The following SLC6A6 variants were observed in gnomAD, a reference collection of about 807,000 sequenced individuals.
SLC6A6 encodes the protein solute carrier family 6 member 6, also known as sodium- and chloride-dependent taurine transporter.
A neutral mutation model predicts 68.8 loss-of-function variants in SLC6A6; 16 were observed. That is an observed-to-expected ratio of 0.23 (90% CI 0.16 to 0.35). The LOEUF (loss-of-function observed/expected upper bound fraction) is 0.35, where lower values mean the gene tolerates loss of function less well. Among genes scored for constraint, SLC6A6 ranks in the 10% least tolerant of loss-of-function variants. The pLI is 1.00. For synonymous variants in SLC6A6, 312 were observed against 315.4 expected, an observed-to-expected ratio of 0.99 and a Z score of 0.12; for missense variants, 474 against 802.8, an observed-to-expected ratio of 0.59 and a Z score of 4.95.
rs756566360 is a variant in SLC6A6 at position 14,478,428 on chromosome 3, G to A, written c.1348-38G>A. Reference sequence around the variant, plus strand: ...TGTATATGAAAGAAATTGGAGACCAGGTAGGAAATCGACCTTCTGTGGTTT... The same window carrying A: ...TGTATATGAAAGAAATTGGAGACCAAGTAGGAAATCGACCTTCTGTGGTTT... On this transcript the variant is annotated intron_variant, in intron 11 of 14. Transcript: ENST00000622186. 3.1e-6 allele frequency: 4 copies of A among 1,286,622 alleles called. No individual in the cohort carries two copies. In the South Asian group the frequency reaches 4.8e-5, roughly 16 times the overall value. 79.7% of individuals were successfully genotyped at this position (1,286,622 alleles called of 1,614,324 possible). A position where few individuals can be genotyped will look rare whatever the true frequency, so the allele number is the denominator to read the frequency against.
chr3:14,484,763 A>G (rs563728415), intron 14 of SLC6A6, 104 bp from the exon 15 acceptor site: 123 of 1,233,214 alleles, frequency 1.0e-4, no homozygotes, highest in Non-Finnish European at 1.3e-4. Context: ...TTTACCAAAA[A>G]CCAAACAGCA....
At chr3:14,427,342 G>A (rs185296755) in intron 2 of SLC6A6, among the ~76,000 whole-genome samples, 1 of 152,302 alleles carries the variant, frequency 6.6e-6, no homozygotes, top group African/African-American at 2.4e-5. Context: ...CACCCTGTGA[G>A]GTCGATGCCA....
intron 2 of SLC6A6, among the ~76,000 whole-genome samples, chr3:14,428,654 G>C (rs1033123828): frequency 6.6e-6 from 1 of 152,166 alleles, no homozygotes; most frequent in Non-Finnish European, 1.5e-5. Context: ...AGGTGTGTGG[G>C]AGGGACATTT....
intron 2 of SLC6A6, among the ~76,000 whole-genome samples, chr3:14,431,080 G>T (rs1699713453): frequency 1.9e-5 from 1 of 53,210 alleles, no homozygotes; most frequent in African/African-American, 1.2e-4. Flanking sequence ...AGATGCTCAG[G>T]AATGGACATC....
In SLC6A6 at chr3:14,447,796, C is replaced by T; in HGVS notation, c.579C>T (p.Ser193=). The part of the protein sequence containing the change: ...WITISSTNFT[S]PVIEFWERNV... ...CCATCAGCTCCACCAACTTCACCTC[C>T]CCTGTCATCGAGTTCTGGGAGTAAG... The change falls in exon 5 of 15, where the codon TCC becomes TCT. Residue 193 remains serine (S), a synonymous_variant. Transcript: ENST00000622186. 1 of 1,614,236 alleles carries T rather than the reference C, an allele frequency of 6.2e-7. No homozygotes were observed. The highest frequency in any genetic ancestry group is 1.1e-5 in the South Asian group (1 of 91,090).
intron 14 of SLC6A6, among the ~76,000 whole-genome samples, chr3:14,482,264 A>G (rs576478990): frequency 2.0e-5 from 3 of 152,320 alleles, no homozygotes. Context: ...CTAGGGAGGA[A>G]GCCTGAGCCC....
At chr3:14,479,883 A>T (rs549178088) in intron 13 of SLC6A6, among the ~76,000 whole-genome samples, 1 of 152,196 alleles carries the variant, frequency 6.6e-6, no homozygotes, top group Non-Finnish European at 1.5e-5. Context: ...ACTTGTGATC[A>T]TTGGAGCTTA....
intron 2 of SLC6A6, among the ~76,000 whole-genome samples, chr3:14,421,609 T>G (rs979088861): frequency 1.9e-4 from 29 of 152,252 alleles, no homozygotes; most frequent in Middle Eastern, 3.2e-3. Flanking sequence ...TTGGTGCCTC[T>G]ATCTCAGAGA....
At chr3:14,442,816 C>A (rs1004619867) in intron 2 of SLC6A6, among the ~76,000 whole-genome samples, 1 of 152,210 alleles carries the variant, frequency 6.6e-6, no homozygotes, top group African/African-American at 2.4e-5. Context: ...GGCAAGGGAA[C>A]CTGGCTTATA....
At chr3:14,479,905 A>G (rs536665365) in intron 13 of SLC6A6, among the ~76,000 whole-genome samples, 162 of 152,276 alleles carry the variant, frequency 1.1e-3, no homozygotes, top group Non-Finnish European at 1.8e-3. Flanking sequence ...TGCCAGGGAG[A>G]CCACATCCAT....
At chr3:14,406,101 T>C (rs1222541601) in intron 1 of SLC6A6, among the ~76,000 whole-genome samples, 1 of 152,200 alleles carries the variant, frequency 6.6e-6, no homozygotes, top group African/African-American at 2.4e-5. Flanking sequence ...TAGCCAAGCA[T>C]GTTTGTAGAA....
rs200356672 is a variant in SLC6A6 at position 14,478,476 on chromosome 3, A to G, written c.1358A>G (p.Tyr453Cys). Reference sequence around the variant, plus strand: ...TTTTTTTCTTCACAGGGTGGCATGTATGTGTTTCAGCTCTTTGACTACTAT... The same window carrying G: ...TTTTTTTCTTCACAGGGTGGCATGTGTGTGTTTCAGCTCTTTGACTACTAT... ...GLTMVTEGGM[Y>C]VFQLFDYYAA... Residue 453 changes from tyrosine to cysteine, a missense_variant, in exon 12 of 15, where the codon TAT (tyrosine) becomes TGT (cysteine). Around this residue, in one of 2 missense-constraint regions of SLC6A6, gnomAD observed 194 missense variants for 269.8 expected, o/e 0.72. Transcript: ENST00000622186. 2 of 1,610,378 alleles carry G rather than the reference A, an allele frequency of 1.2e-6. No homozygotes were observed. Among genetic ancestry groups the G allele is most frequent in the East Asian group, 2.2e-5 (1 of 44,866 alleles).
At chr3:14,480,018 G>A (rs1700972129) in intron 13 of SLC6A6, among the ~76,000 whole-genome samples, 1 of 152,194 alleles carries the variant, frequency 6.6e-6, no homozygotes, top group Admixed American at 6.5e-5. Context: ...TCCGTGACCT[G>A]CTATCAGGCC....
chr3:14,470,765 A>C (rs956576518), intron 9 of SLC6A6, among the ~76,000 whole-genome samples: 1 of 152,154 alleles, frequency 6.6e-6, no homozygotes, highest in African/African-American at 2.4e-5. Flanking sequence ...ACTTTGATTC[A>C]AAAGTCATCT....
At position 14,402,777 on chromosome 3, in the gene SLC6A6, G is replaced by A; in HGVS notation, c.-124G>A. On this transcript the variant is annotated 5_prime_UTR_variant, in exon 1 of 15. Transcript: ENST00000622186. The surrounding 1 kb of genome is among the most constrained non-coding windows in gnomAD (Gnocchi z 4.8). ...CACCCAGCGGGTCAGAGAGCGAGCG[G>A]GCAGGCAGCCCCCGGCCGGCGGAAC... 1 of 398,046 alleles carries A rather than the reference G, an allele frequency of 2.5e-6. No individual in the cohort carries two copies. The allele number at this position is 398,046 out of a possible 1,614,324, so 24.7% of individuals were successfully genotyped here. A position where few individuals can be genotyped will look rare whatever the true frequency, so the allele number is the denominator to read the frequency against.
At chr3:14,416,720 G>A (rs1237576956) in intron 2 of SLC6A6, among the ~76,000 whole-genome samples, 1 of 152,280 alleles carries the variant, frequency 6.6e-6, no homozygotes, top group Non-Finnish European at 1.5e-5. Flanking sequence ...TGGTTTTGGA[G>A]ATCCAGCCTG....
chr3:14,426,332 C>CA (rs896477874), intron 2 of SLC6A6, among the ~76,000 whole-genome samples: 1 of 152,154 alleles, frequency 6.6e-6, no homozygotes, highest in African/African-American at 2.4e-5. Flanking sequence ...TAAGTCCCCC[C>CA]CCAGCCATCC....
chr3:14,433,079 CGTT>C (rs1699765818), intron 2 of SLC6A6, among the ~76,000 whole-genome samples: 3 of 8,308 alleles, frequency 3.6e-4, no homozygotes, highest in African/African-American at 1.6e-3. Flanking sequence ...CTTCTCTAGT[CGTT>C]AGTGCTGTGA....
Position 14,485,105 on chromosome 3 carries a change from T to A in SLC6A6, c.*98T>A, listed in dbSNP as rs1574973358. 1 of 88,164 alleles carries A rather than the reference T, an allele frequency of 1.1e-5. No individual in the cohort carries two copies. The highest frequency in any genetic ancestry group is 2.5e-5 in the Non-Finnish European group (1 of 40,434). 5.5% of individuals were successfully genotyped at this position (88,164 alleles called of 1,614,324 possible). ...ACAGAGCTTTATATTTGCACTAGGA[T>A]TTTTTTTTTTTTGTAATTGTCACAG... On this transcript the variant is annotated 3_prime_UTR_variant, in exon 15 of 15. Coordinates refer to ENST00000622186, the MANE Select transcript of SLC6A6 (RefSeq NM_003043.6).
Sources: gnomAD v4.1 joint callset for allele counts (sites outside exome capture counted in the v4.1 genomes callset) on GRCh38, gnomAD v4.1.1 for gene constraint, gnomAD v4.1.1 regional missense constraint, Gnocchi (gnomAD v3.1) non-coding constraint, MANE v1.5 for transcripts, NCBI Gene and HGNC (gene_info 2026-07-23, HGNC 2026-07-21) for gene names.